KCNN3: variants seen among roughly 807,000 people sequenced by gnomAD.
The protein encoded by KCNN3 is potassium calcium-activated channel subfamily N member 3.
KCNN3 carries 16 observed loss-of-function variants against 62.9 expected under a neutral mutation model. The observed-to-expected ratio is 0.25, with a 90% CI of 0.17 to 0.39. KCNN3 has a LOEUF of 0.39. Among genes scored for constraint, KCNN3 ranks in the 10% least tolerant of loss-of-function variants. The pLI is 1.00. For synonymous variants in KCNN3, 370 were observed against 389.2 expected, an observed-to-expected ratio of 0.95 and a Z score of 0.58; for missense variants, 599 against 949.4, an observed-to-expected ratio of 0.63 and a Z score of 4.85.
intron 1 of KCNN3, among the ~76,000 whole-genome samples, chr1:154,833,726 C>A (rs1005622062): frequency 1.3e-5 from 2 of 152,224 alleles, no homozygotes; most frequent in African/African-American, 2.4e-5. Flanking sequence ...CCAGCTTGAA[C>A]ACTGTCTGAA....
intron 6 of KCNN3, among the ~76,000 whole-genome samples, chr1:154,714,105 T>G (rs1700141063): frequency 9.2e-6 from 1 of 108,682 alleles, no homozygotes; most frequent in African/African-American, 3.7e-5. Flanking sequence ...GTGTATGGTG[T>G]GTGTGATGTG....
intron 1 of KCNN3, among the ~76,000 whole-genome samples, chr1:154,842,486 C>T (rs1651875229): frequency 6.6e-6 from 1 of 152,138 alleles, no homozygotes; most frequent in African/African-American, 2.4e-5. Flanking sequence ...GGTCGCACCC[C>T]AAAAGTGGGG....
rs772988945 is a variant in KCNN3 at position 154,822,070 on chromosome 1, G to A, written c.1029+19C>T. The A allele has an allele frequency of 1.9e-6, 3 of 1,582,390 alleles. No homozygotes were observed. Among genetic ancestry groups the A allele is most frequent in the African/African-American group, 1.3e-5 (1 of 74,288 alleles). ...AAAGGATCAGCCGCTGCATGAAGGG[G>A]TGAGGTGGGGGCACCTACCTGGACT... On this transcript the variant is annotated intron_variant, in intron 2 of 7. Transcript: ENST00000271915.
chr1:154,838,839 A>G (rs114051422), intron 1 of KCNN3, among the ~76,000 whole-genome samples: 2,224 of 152,206 alleles, frequency 0.015, 40 homozygotes, highest in African/African-American at 0.051. Flanking sequence ...AGCACCTTGC[A>G]CAGTGCCTGG....
intron 2 of KCNN3, among the ~76,000 whole-genome samples, chr1:154,800,211 C>A (rs1182118883): frequency 6.6e-6 from 1 of 152,176 alleles, no homozygotes. Flanking sequence ...AAGGGGAGAG[C>A]TTGTCCCAGA....
intron 1 of KCNN3, among the ~76,000 whole-genome samples, chr1:154,843,433 C>T (rs965878619): frequency 6.6e-6 from 1 of 152,156 alleles, no homozygotes; most frequent in African/African-American, 2.4e-5. Context: ...ATCCTCAGTC[C>T]CAGCCTCAGC....
In KCNN3 at chr1:154,737,209, G is replaced by A. The variant is rs558698414; in HGVS notation, c.1449-4065C>T. The A allele has an allele frequency of 2.8e-4, 88 of 309,764 alleles. 17 individuals carry two copies. Among genetic ancestry groups the A allele is most frequent in the African/African-American group, 4.2e-4 (18 of 43,268 alleles). The allele number at this position is 309,764 out of a possible 1,614,324, so 19.2% of individuals were successfully genotyped here. A position where few individuals can be genotyped will look rare whatever the true frequency, so the allele number is the denominator to read the frequency against. ...CTATTTTTTGCAATAGAAAATTTGG[G>A]GGGGGGGGATAGCTCCATGTTTTTC... On this transcript the variant is annotated intron_variant, in intron 3 of 7. Transcript: ENST00000271915.
Position 154,705,620 on chromosome 1 carries a change from TCA to T in KCNN3, c.*2354_*2355del, listed in dbSNP as rs1017812037. On this transcript the variant is annotated 3_prime_UTR_variant, in exon 8 of 8. Coordinates refer to ENST00000271915, the MANE Select transcript of KCNN3 (RefSeq NM_002249.6). The stretch of plus-strand genomic sequence containing the variant: ...AAAGTCACAGACCACAATGAATAAA[TCA>T]CAGTCTGTGCACACTTTTGGCCAGG... 9 of 152,130 alleles carry T rather than the reference TCA, an allele frequency of 5.9e-5. No homozygotes were observed. Among genetic ancestry groups the T allele is most frequent in the African/African-American group, 2.2e-4 (9 of 41,420 alleles). 9.4% of individuals were successfully genotyped at this position (152,130 alleles called of 1,614,324 possible).
chr1:154,714,916 C>G lies in KCNN3; in HGVS notation c.1789G>C (p.Val597Leu), dbSNP rs774027041. 6.2e-7 allele frequency: 1 copy of G among 1,613,674 alleles called. No individual in the cohort carries two copies. The highest frequency in any genetic ancestry group is 8.5e-7 in the Non-Finnish European group (1 of 1,179,726). The change falls in exon 6 of 8, where the codon GTG (valine) becomes CTG (leucine). Residue 597 changes from valine (V) to leucine (L), a missense_variant. By Grantham distance (32) the Val-to-Leu change is conservative. This residue lies in a region of KCNN3 where 288 missense variants were observed against 557.4 expected (regional missense o/e 0.52). Coordinates refer to ENST00000271915, the MANE Select transcript of KCNN3 (RefSeq NM_002249.6). ...KLLKKIDHAK[V>L]RKHQRKFLQA... ...AGGAACTTCCTCTGGTGTTTCCTCA[C>G]TTTGGCATGGTCAATCTTCTTTAGC...
intron 2 of KCNN3, among the ~76,000 whole-genome samples, chr1:154,775,965 C>T (rs1191335736): frequency 1.3e-5 from 2 of 152,112 alleles, no homozygotes; most frequent in Non-Finnish European, 2.9e-5. Flanking sequence ...GGAATGGAAG[C>T]AACGAGTAAC....
At chr1:154,720,368 A>C (rs1700321181) in intron 5 of KCNN3, among the ~76,000 whole-genome samples, 1 of 152,262 alleles carries the variant, frequency 6.6e-6, no homozygotes, top group African/African-American at 2.4e-5. Context: ...TCTGGGGAGA[A>C]TTAGCATTCC....
At chr1:154,761,829 A>C (rs1173448342) in intron 3 of KCNN3, among the ~76,000 whole-genome samples, 4 of 151,898 alleles carry the variant, frequency 2.6e-5, no homozygotes, top group African/African-American at 9.7e-5. Context: ...AATTTCAGCT[A>C]CTCGGGAGGC....
intron 3 of KCNN3, among the ~76,000 whole-genome samples, chr1:154,759,541 CCCCATG>C (rs1281235138): frequency 6.6e-6 from 1 of 152,190 alleles, no homozygotes; most frequent in Non-Finnish European, 1.5e-5. Flanking sequence ...GAGAATGAAG[CCCCATG>C]CCCTTAGGCA....
chr1:154,777,831 C>T (rs1399489946), intron 2 of KCNN3, among the ~76,000 whole-genome samples: 4 of 152,196 alleles, frequency 2.6e-5, no homozygotes, highest in Non-Finnish European at 4.4e-5. Context: ...GTGGTCTGTT[C>T]TGGCCTGTTC....
rs982852043 is a variant in KCNN3, at chr1:154,726,882, G to T, written c.1591-856C>A. 2.0e-5 allele frequency among the ~76,000 whole-genome samples: 3 copies of T among 152,326 alleles called. No individual in the cohort carries two copies. In the East Asian group the frequency reaches 5.8e-4, roughly 29 times the overall value. On this transcript the variant is annotated intron_variant, in intron 4 of 7. Transcript: ENST00000271915. ...CGGGGGAGGGTGGGCAAGGAAGCAGGCTCTGCTGAGCCCCCAGAATGGTGG... is the reference window on the plus strand; with the variant it reads ...CGGGGGAGGGTGGGCAAGGAAGCAGTCTCTGCTGAGCCCCCAGAATGGTGG...
intron 3 of KCNN3, among the ~76,000 whole-genome samples, chr1:154,734,503 C>T (rs1700668653): frequency 6.6e-6 from 1 of 152,242 alleles, no homozygotes; most frequent in Non-Finnish European, 1.5e-5. Context: ...GGATTCGCTG[C>T]CGTCATCAGG....
intron 7 of KCNN3, among the ~76,000 whole-genome samples, chr1:154,712,027 A>T (rs536915743): frequency 1.8e-4 from 28 of 151,570 alleles, no homozygotes; most frequent in African/African-American, 6.5e-4. Context: ...GAAGAGAGAG[A>T]CAGGGAAAGG....
chr1:154,703,821 C>A lies in KCNN3; in HGVS notation c.*4155G>T, dbSNP rs1278068368. 1 of 152,210 alleles carries A rather than the reference C, an allele frequency of 6.6e-6. No individual in the cohort carries two copies. The highest frequency in any genetic ancestry group is 1.5e-5 in the Non-Finnish European group (1 of 68,034). 9.4% of individuals were successfully genotyped at this position (152,210 alleles called of 1,614,324 possible). On this transcript the variant is annotated 3_prime_UTR_variant, in exon 8 of 8. Transcript: ENST00000271915. ...CATCAAGGTGTGATCTAGATACAGT[C>A]AGTCTGGGCTGCTGTTGATGACAAA...
intron 3 of KCNN3, among the ~76,000 whole-genome samples, chr1:154,736,519 GC>G (rs1349285579): frequency 5.9e-5 from 9 of 152,338 alleles, no homozygotes; most frequent in African/African-American, 2.2e-4. Flanking sequence ...AAGGGGTCAG[GC>G]CCCAGATAAG....
Sources: allele counts gnomAD v4.1 joint callset (sites outside exome capture counted in the v4.1 genomes callset), GRCh38; gene constraint gnomAD v4.1.1; regional missense constraint gnomAD v4.1.1; transcripts MANE v1.5; gene names NCBI Gene and HGNC (gene_info 2026-07-23, HGNC 2026-07-21).